RALGAPA1: variants seen among roughly 807,000 people sequenced by gnomAD.
RALGAPA1 encodes ral GTPase-activating protein subunit alpha-1.
Under a neutral mutation model 269.6 loss-of-function variants are expected in RALGAPA1, and 52 were observed. The observed-to-expected ratio is 0.19, with a 90% CI of 0.15 to 0.24. The LOEUF (loss-of-function observed/expected upper bound fraction) is 0.24, where lower values mean the gene tolerates loss of function less well. Ranked by LOEUF, RALGAPA1 falls within the 10% of genes least tolerant of loss-of-function variation. RALGAPA1 has a pLI of 1.00. For synonymous variants in RALGAPA1, 817 were observed against 1,008.3 expected, an observed-to-expected ratio of 0.81 and a Z score of 3.60; for missense variants, 1,917 against 3,013.9, an observed-to-expected ratio of 0.64 and a Z score of 8.52.
Position 35,621,597 on chromosome 14 carries a change from T to C in RALGAPA1, c.6929+3764A>G, listed in dbSNP as rs147556108. On this transcript the variant is annotated intron_variant, in intron 35 of 41. Coordinates refer to ENST00000680220, the MANE Select transcript of RALGAPA1 (RefSeq NM_001346249.2). ...AGGCAACCTACAGAATGGAAGAAAATTTTTGCAATCTACCCTTCTGACAAA... is the reference window on the plus strand; with the variant it reads ...AGGCAACCTACAGAATGGAAGAAAACTTTTGCAATCTACCCTTCTGACAAA... Among the ~76,000 whole-genome samples, 930 of 151,914 alleles carry C rather than the reference T, an allele frequency of 6.1e-3. 15 individuals carry two copies. The highest frequency in any genetic ancestry group is 0.021 in the African/African-American group (890 of 41,440).
In RALGAPA1 at chr14:35,610,534, C is replaced by T. The variant is rs1381537800; in HGVS notation, c.6930-4825G>A. Among the ~76,000 whole-genome samples, 4 of 152,030 alleles carry T rather than the reference C, an allele frequency of 2.6e-5. No homozygotes were observed. The South Asian group carries it at 6.2e-4, about 24-fold the overall frequency. Reference sequence around the variant, plus strand: ...CCTGACCTTGTGATCCGCCCTCCTCCGTCTCCCAAAGTGCTGGGATTACAG... The same window carrying T: ...CCTGACCTTGTGATCCGCCCTCCTCTGTCTCCCAAAGTGCTGGGATTACAG... On this transcript the variant is annotated intron_variant, in intron 35 of 41. Transcript: ENST00000680220.
chr14:35,613,166 C>CT (rs1180149225), intron 35 of RALGAPA1, among the ~76,000 whole-genome samples: 17 of 151,982 alleles, frequency 1.1e-4, no homozygotes, highest in African/African-American at 4.1e-4. Flanking sequence ...ACTGCAGCCT[C>CT]TGCTTCCTGG....
intron 36 of RALGAPA1, among the ~76,000 whole-genome samples, chr14:35,600,810 G>A (rs559089821): frequency 9.2e-5 from 14 of 152,098 alleles, no homozygotes; most frequent in African/African-American, 3.4e-4. Flanking sequence ...ATCTTGGTGT[G>A]GGCATCTGCT....
chr14:35,638,969 T>C (rs550354446), intron 31 of RALGAPA1, among the ~76,000 whole-genome samples: 156 of 151,414 alleles, frequency 1.0e-3, no homozygotes, highest in Non-Finnish European at 1.9e-3. Context: ...TAAAAACCAC[T>C]GAATGTAAAT....
chr14:35,612,868 AAC>A (rs1297736156), intron 35 of RALGAPA1, among the ~76,000 whole-genome samples: 1 of 151,898 alleles, frequency 6.6e-6, no homozygotes, highest in Non-Finnish European at 1.5e-5. Context: ...ACAACACAAA[AAC>A]ACAAGTGACA....
Position 35,689,774 on chromosome 14 carries a change from C to T in RALGAPA1, c.2637G>A (p.Glu879=). Residue 879 remains glutamate (E), a synonymous_variant, in exon 18 of 42, where the codon GAG becomes GAA. Transcript: ENST00000680220. ...CAGTGGATCTAGTTATTGAAGAAGC[C>T]TCTGTGGAACTCTGCAAGCTTGGTG... is the stretch of plus-strand genomic sequence containing the variant. ...RHAPSLQSST[E]ASSITRSTES... is the part of the protein sequence containing the mutation. 1 of 1,515,010 alleles carries T rather than the reference C, an allele frequency of 6.6e-7. No homozygotes were observed. Among genetic ancestry groups the T allele is most frequent in the Non-Finnish European group, 8.8e-7 (1 of 1,139,860 alleles). The allele number at this position is 1,515,010 out of a possible 1,614,324, so 93.8% of individuals were successfully genotyped here.
chr14:35,560,920 A>T (rs913113233), intron 39 of RALGAPA1, among the ~76,000 whole-genome samples: 4 of 152,170 alleles, frequency 2.6e-5, no homozygotes, highest in African/African-American at 9.7e-5. Context: ...CTTTAAAGGT[A>T]TGCAGTACTT....
chr14:35,700,129 A>G, intron 17 of RALGAPA1, 33 bp downstream of exon 17: 8 of 1,498,788 alleles, frequency 5.3e-6, no homozygotes, highest in Non-Finnish European at 7.1e-6. Flanking sequence ...AAAGTGAAAA[A>G]GGTGGTGCAG....
intron 16 of RALGAPA1, among the ~76,000 whole-genome samples, chr14:35,709,191 T>A (rs1032557801): frequency 6.6e-6 from 1 of 152,132 alleles, no homozygotes; most frequent in East Asian, 1.9e-4. Context: ...AAAAAATAAT[T>A]TAATTGTGAA....
At chr14:35,785,206 T>G (rs2075712292) in intron 1 of RALGAPA1, among the ~76,000 whole-genome samples, 1 of 152,216 alleles carries the variant, frequency 6.6e-6, no homozygotes, top group South Asian at 2.1e-4. Context: ...CTAAAACAAA[T>G]ATAGGCAGAC....
intron 37 of RALGAPA1, among the ~76,000 whole-genome samples, chr14:35,576,572 A>C (rs556631364): frequency 5.9e-5 from 9 of 152,328 alleles, no homozygotes; most frequent in South Asian, 4.1e-4. Flanking sequence ...GCCTTACAGC[A>C]AGTCATTACA....
intron 36 of RALGAPA1, among the ~76,000 whole-genome samples, chr14:35,597,263 A>G (rs2058983620): frequency 2.0e-5 from 3 of 152,202 alleles, no homozygotes; most frequent in Admixed American, 2.0e-4. Context: ...GCCACCAACA[A>G]TGTATGAGAA....
At chr14:35,732,470 G>A (rs1457517904) in intron 12 of RALGAPA1, among the ~76,000 whole-genome samples, 3 of 152,130 alleles carry the variant, frequency 2.0e-5, no homozygotes, top group Non-Finnish European at 4.4e-5. Flanking sequence ...ACTGTAGAAT[G>A]GATAAGAACT....
At chr14:35,598,401 T>TTATA (rs149494591) in intron 36 of RALGAPA1, among the ~76,000 whole-genome samples, 32 of 150,316 alleles carry the variant, frequency 2.1e-4, no homozygotes, top group African/African-American at 7.3e-4. Flanking sequence ...CTATATTGTT[T>TTATA]TATATATATA....
chr14:35,785,267 A>G (rs1434492877), intron 1 of RALGAPA1, among the ~76,000 whole-genome samples: 1 of 152,232 alleles, frequency 6.6e-6, no homozygotes, highest in Non-Finnish European at 1.5e-5. Context: ...AAATTATAAA[A>G]TGTGTTTAAT....
intron 31 of RALGAPA1, among the ~76,000 whole-genome samples, chr14:35,643,198 G>A (rs909619277): frequency 4.6e-5 from 7 of 151,930 alleles, no homozygotes; most frequent in South Asian, 2.1e-4. Flanking sequence ...GGGGGGAGGC[G>A]GGAGGGATAG....
chr14:35,674,763 C>A (rs1595086034), intron 22 of RALGAPA1, 54 bp from the exon 23 acceptor site: 2 of 828,252 alleles, frequency 2.4e-6, no homozygotes, highest in East Asian at 5.6e-5. Context: ...GAACATAAAA[C>A]CCCCCAAGAA....
At chr14:35,782,238 T>C (rs1469417396) in intron 1 of RALGAPA1, among the ~76,000 whole-genome samples, 1 of 152,092 alleles carries the variant, frequency 6.6e-6, no homozygotes, top group Non-Finnish European at 1.5e-5. Flanking sequence ...TAGTTTGAAA[T>C]AGAATAAAAT....
At chr14:35,616,835 G>C (rs2060283031) in intron 35 of RALGAPA1, among the ~76,000 whole-genome samples, 1 of 152,096 alleles carries the variant, frequency 6.6e-6, no homozygotes, top group African/African-American at 2.4e-5. Flanking sequence ...GTAGAGGTAG[G>C]AGCTAGGTAG....
Sources: gnomAD v4.1 joint callset for allele counts (sites outside exome capture counted in the v4.1 genomes callset) on GRCh38, gnomAD v4.1.1 for gene constraint, MANE v1.5 for transcripts, NCBI Gene and HGNC (gene_info 2026-07-23, HGNC 2026-07-21) for gene names.